KIRREL3: variants seen among roughly 807,000 people sequenced by gnomAD.
KIRREL3 encodes kin of IRRE-like protein 3.
A neutral mutation model predicts 89.7 loss-of-function variants in KIRREL3; 36 were observed. The observed-to-expected ratio is 0.40, with a 90% CI of 0.31 to 0.53. KIRREL3 has a LOEUF of 0.53. KIRREL3 is among the 20% of genes least tolerant of loss of function. The pLI is 0.49. For synonymous variants in KIRREL3, 445 were observed against 441.4 expected (o/e 1.01, Z -0.10); for missense variants, 864 against 1,056.6 (o/e 0.82, Z 2.53).
Position 126,996,949 on chromosome 11 carries a change from C to A in KIRREL3, c.55+3506G>T, listed in dbSNP as rs1037191614. ...AAATGCCAGAGAGTAGGGAAGAGACCACCTTTCTTAAGAGCGAGTGTCTGG... is the reference window on the plus strand; with the variant it reads ...AAATGCCAGAGAGTAGGGAAGAGACAACCTTTCTTAAGAGCGAGTGTCTGG... On this transcript the variant is annotated intron_variant, in intron 1 of 16. Transcript: ENST00000525144. This position sits in a 1 kb window ranked among gnomAD's most constrained non-coding sequence, Gnocchi z 4.7. Among the ~76,000 whole-genome samples, 1 of 152,128 alleles carries A rather than the reference C, an allele frequency of 6.6e-6. No individual in the cohort carries two copies. The highest frequency in any genetic ancestry group is 1.5e-5 in the Non-Finnish European group (1 of 68,016).
chr11:126,894,471 G>A (rs1365610616), intron 1 of KIRREL3, among the ~76,000 whole-genome samples: 3 of 143,448 alleles, frequency 2.1e-5, no homozygotes, highest in Non-Finnish European at 4.5e-5. Flanking sequence ...CAGTTTGGGA[G>A]GCCAAGGTGG....
chr11:126,468,395 G>A (rs1377335993), intron 5 of KIRREL3, among the ~76,000 whole-genome samples: 1 of 152,246 alleles, frequency 6.6e-6, no homozygotes, highest in Non-Finnish European at 1.5e-5. Flanking sequence ...AGTGGGCACT[G>A]CCCAAGGCCC....
rs181161138 is a variant in KIRREL3, at chr11:126,713,030, T to G, written c.56-150118A>C. Among the ~76,000 whole-genome samples the G allele has an allele frequency of 7.2e-5, 11 of 152,198 alleles. No individual in the cohort carries two copies. The East Asian group carries it at 2.1e-3, about 29-fold the overall frequency. On this transcript the variant is annotated intron_variant, in intron 1 of 16. Transcript: ENST00000525144. ...TGCTAGGTTCCTCATCTCAGGGAGC[T>G]CAATCTCTCATAGGAGTGGCAGATA... is the stretch of plus-strand genomic sequence containing the variant.
At chr11:126,461,084 C>T (rs1028061761) in intron 6 of KIRREL3, among the ~76,000 whole-genome samples, 2 of 152,214 alleles carry the variant, frequency 1.3e-5, no homozygotes, top group African/African-American at 4.8e-5. Flanking sequence ...GGCCAGTCCT[C>T]GGGCAAGAAG....
chr11:126,490,408 A>C lies in KIRREL3; in HGVS notation c.434-16942T>G, dbSNP rs11220521. The stretch of plus-strand genomic sequence containing the variant: ...TGAGCCAGGTTATTGGAAATAGACC[A>C]TGTAGGCCTGTGTTCCACGGGTGCT... On this transcript the variant is annotated intron_variant, in intron 4 of 16. Transcript: ENST00000525144. This position sits in a 1 kb window ranked among gnomAD's most constrained non-coding sequence, Gnocchi z 4.2. 6.6e-6 allele frequency among the ~76,000 whole-genome samples: 1 copy of C among 151,684 alleles called. No individual in the cohort carries two copies. The highest frequency in any genetic ancestry group is 2.4e-5 in the African/African-American group (1 of 41,266).
In KIRREL3 at chr11:126,508,247, T is replaced by C. The variant is rs1958091011; in HGVS notation, c.433+13068A>G. On this transcript the variant is annotated intron_variant, in intron 4 of 16. Transcript: ENST00000525144. The surrounding 1 kb of genome is among the most constrained non-coding windows in gnomAD (Gnocchi z 4.9). Reference sequence around the variant, plus strand: ...TTTTTGGAAGCCAGTTTTTTCGGGTTGTGGGACTCAGCTATTTATTTTTGT... The same window carrying C: ...TTTTTGGAAGCCAGTTTTTTCGGGTCGTGGGACTCAGCTATTTATTTTTGT... Among the ~76,000 whole-genome samples the C allele has an allele frequency of 6.6e-6, 1 of 152,232 alleles. No individual in the cohort carries two copies. Among genetic ancestry groups the C allele is most frequent in the African/African-American group, 2.4e-5 (1 of 41,454 alleles).
Position 126,568,496 on chromosome 11 carries a change from A to G in KIRREL3, c.56-5584T>C, listed in dbSNP as rs577595117. 6.6e-6 allele frequency among the ~76,000 whole-genome samples: 1 copy of G among 152,306 alleles called. No individual in the cohort carries two copies. The highest frequency in any genetic ancestry group is 1.5e-5 in the Non-Finnish European group (1 of 68,016). On this transcript the variant is annotated intron_variant, in intron 1 of 16. Transcript: ENST00000525144. The surrounding 1 kb of genome is among the most constrained non-coding windows in gnomAD (Gnocchi z 4.6). ...AGAGAGCAGGGGAGGGGCTGAAAAA[A>G]TAGCTCCCATTCCCCAGACAGTGCC...
chr11:126,745,525 C>T (rs1949119836), intron 1 of KIRREL3, among the ~76,000 whole-genome samples: 1 of 151,856 alleles, frequency 6.6e-6, no homozygotes, highest in African/African-American at 2.4e-5. Flanking sequence ...CAAACAAAAC[C>T]CTCAGATAAC....
In KIRREL3 at chr11:126,736,533, C is replaced by G. The variant is rs533401689; in HGVS notation, c.56-173621G>C. On this transcript the variant is annotated intron_variant, in intron 1 of 16. Coordinates refer to ENST00000525144, the MANE Select transcript of KIRREL3 (RefSeq NM_032531.4). The surrounding 1 kb of genome is among the most constrained non-coding windows in gnomAD (Gnocchi z 5.0). ...GGTTCTCACCTGGGGGCGATTTTGT[C>G]CCCAGGGGACATTTGAGAACATCTG... Among the ~76,000 whole-genome samples, 1 of 152,224 alleles carries G rather than the reference C, an allele frequency of 6.6e-6. No homozygotes were observed. The highest frequency in any genetic ancestry group is 1.9e-4 in the East Asian group (1 of 5,168).
rs1041133151 is a variant in KIRREL3 at position 126,484,301 on chromosome 11, A to G, written c.434-10835T>C. On this transcript the variant is annotated intron_variant, in intron 4 of 16. Coordinates refer to ENST00000525144, the MANE Select transcript of KIRREL3 (RefSeq NM_032531.4). The surrounding 1 kb of genome is among the most constrained non-coding windows in gnomAD (Gnocchi z 5.2). ...CCTCTTTGCCTGTCTCCCATTGCCT[A>G]GTATGTTACCTTGGATGCAGTCATA... is the stretch of plus-strand genomic sequence containing the variant. Among the ~76,000 whole-genome samples, 7 of 152,184 alleles carry G rather than the reference A, an allele frequency of 4.6e-5. No individual in the cohort carries two copies. The highest frequency in any genetic ancestry group is 1.0e-4 in the Non-Finnish European group (7 of 68,042).
rs1431117043 is a variant in KIRREL3, at chr11:126,628,099, T to C, written c.56-65187A>G. ...TTACAGAAATCAAGCCAGGGCATGG[T>C]TGTAATTTGGGGCTATCAGAGAGAA... is the stretch of plus-strand genomic sequence containing the variant. On this transcript the variant is annotated intron_variant, in intron 1 of 16. Transcript: ENST00000525144. This position sits in a 1 kb window ranked among gnomAD's most constrained non-coding sequence, Gnocchi z 5.2. 6.6e-6 allele frequency among the ~76,000 whole-genome samples: 1 copy of C among 152,144 alleles called. No homozygotes were observed. The highest frequency in any genetic ancestry group is 2.4e-5 in the African/African-American group (1 of 41,410).
chr11:126,856,219 G>T (rs916480327), intron 1 of KIRREL3, among the ~76,000 whole-genome samples: 3 of 152,204 alleles, frequency 2.0e-5, no homozygotes, highest in Non-Finnish European at 2.9e-5. Context: ...TATCCACCAA[G>T]ATCTTCATTA....
At chr11:126,453,865 A>C (rs1392174467) in intron 7 of KIRREL3, among the ~76,000 whole-genome samples, 1 of 152,118 alleles carries the variant, frequency 6.6e-6, no homozygotes, top group Non-Finnish European at 1.5e-5. Flanking sequence ...GAGTCTCTGC[A>C]GGGCACCCTG....
chr11:126,602,482 C>A (rs886970622), intron 1 of KIRREL3, among the ~76,000 whole-genome samples: 13 of 152,222 alleles, frequency 8.5e-5, no homozygotes, highest in Non-Finnish European at 1.5e-4. Context: ...TCACAACCAT[C>A]CTGTGCTGTC....
chr11:126,538,600 G>A (rs1251651242), intron 2 of KIRREL3, among the ~76,000 whole-genome samples: 6 of 149,626 alleles, frequency 4.0e-5, no homozygotes, highest in African/African-American at 1.5e-4. Flanking sequence ...CCCAGTTGGT[G>A]ACCTGCTCGG....
Position 126,891,352 on chromosome 11 carries a change from A to G in KIRREL3, c.55+109103T>C, listed in dbSNP as rs1945912911. ...CCAGAGTTTCAGACATTGGTGGAAA[A>G]AAGATATAATTTTAATTATCAGCAG... On this transcript the variant is annotated intron_variant, in intron 1 of 16. Coordinates refer to ENST00000525144, the MANE Select transcript of KIRREL3 (RefSeq NM_032531.4). The surrounding 1 kb of genome is among the most constrained non-coding windows in gnomAD (Gnocchi z 5.1). Among the ~76,000 whole-genome samples the G allele has an allele frequency of 6.6e-6, 1 of 152,204 alleles. No homozygotes were observed. The highest frequency in any genetic ancestry group is 1.5e-5 in the Non-Finnish European group (1 of 68,036).
rs1565455044 is a variant in KIRREL3, at chr11:126,955,323, C to A, written c.55+45132G>T. Among the ~76,000 whole-genome samples the A allele has an allele frequency of 6.6e-6, 1 of 152,214 alleles. No homozygotes were observed. Among genetic ancestry groups the A allele is most frequent in the African/African-American group, 2.4e-5 (1 of 41,466 alleles). The stretch of plus-strand genomic sequence containing the variant: ...TGGCTTAATCCTTGTTCTGGAGATA[C>A]TTACAGCTGCCCGTGGTTTTTAATT... On this transcript the variant is annotated intron_variant, in intron 1 of 16. Transcript: ENST00000525144. The surrounding 1 kb of genome is among the most constrained non-coding windows in gnomAD (Gnocchi z 4.6).
chr11:126,715,623 A>C lies in KIRREL3; in HGVS notation c.56-152711T>G, dbSNP rs898383027. ...AACGTGGACCATTTTGCAAATCAAAAACAAGAGGAAAAGGGACTACAGCAC... is the reference window on the plus strand; with the variant it reads ...AACGTGGACCATTTTGCAAATCAAACACAAGAGGAAAAGGGACTACAGCAC... On this transcript the variant is annotated intron_variant, in intron 1 of 16. Coordinates refer to ENST00000525144, the MANE Select transcript of KIRREL3 (RefSeq NM_032531.4). This position sits in a 1 kb window ranked among gnomAD's most constrained non-coding sequence, Gnocchi z 4.4. Among the ~76,000 whole-genome samples the C allele has an allele frequency of 1.3e-5, 2 of 152,216 alleles. No homozygotes were observed. Among genetic ancestry groups the C allele is most frequent in the Non-Finnish European group, 2.9e-5 (2 of 68,044 alleles).
At chr11:126,968,782 A>G (rs1949350652) in intron 1 of KIRREL3, among the ~76,000 whole-genome samples, 1 of 152,112 alleles carries the variant, frequency 6.6e-6, no homozygotes, top group Non-Finnish European at 1.5e-5. Context: ...ACAAATCAGG[A>G]ACTCTACAGG....
Sources: allele counts gnomAD v4.1 joint callset (sites outside exome capture counted in the v4.1 genomes callset), GRCh38; gene constraint gnomAD v4.1.1; non-coding constraint Gnocchi (gnomAD v3.1); transcripts MANE v1.5; gene names NCBI Gene and HGNC (gene_info 2026-07-23, HGNC 2026-07-21).